The following MUC6 variants were observed in gnomAD, a reference collection of about 807,000 sequenced individuals.
MUC6 encodes the protein mucin 6, oligomeric mucus/gel-forming (gene/pseudogene).
In MUC6, 188 loss-of-function variants were observed where a neutral mutation model predicts 201.5. The observed-to-expected ratio is 0.93, with a 90% confidence interval of 0.83 to 1.05. The LOEUF (loss-of-function observed/expected upper bound fraction) is 1.05, where lower values mean the gene tolerates loss of function less well. Ranked by LOEUF, MUC6 falls within the 50% of genes least tolerant of loss-of-function variation. The pLI is 0.00. For synonymous variants in MUC6, 1,228 were observed against 1,389.4 expected (o/e 0.88, Z 2.58); for missense variants, 2,706 against 3,256.9 (o/e 0.83, Z 4.12).
At chr11:1,028,858 C>T (rs1857029845) in intron 12 of MUC6, 31 bp downstream of exon 12, 1 of 1,610,624 alleles carries the variant, frequency 6.2e-7, no homozygotes, top group African/African-American at 1.3e-5. Flanking sequence ...AGGCACAACT[C>T]TGGGGGGCCA....
chr11:1,031,486 G>T (rs1193715597), intron 4 of MUC6, 121 bp downstream of exon 4: 12 of 1,447,256 alleles, frequency 8.3e-6, no homozygotes, highest in Admixed American at 6.4e-5. Context: ...GGCACGAAGG[G>T]CCTGGCTGCA....
In MUC6 at chr11:1,028,287, C is replaced by T. The variant is rs974392982; in HGVS notation, c.1692G>A (p.Ala564=). Residue 564 remains alanine, a synonymous_variant, in exon 14 of 33, where the codon GCG becomes GCA. Transcript: ENST00000421673. ...GCTCCAGAGCGGCCGGACAGTTCCCCGCCCGCCAGGAGTCCACAAACAGCG... is the reference window on the plus strand; with the variant it reads ...GCTCCAGAGCGGCCGGACAGTTCCCTGCCCGCCAGGAGTCCACAAACAGCG... The part of the protein sequence containing the change: ...TASLFVDSWR[A]GNCPAALERE... 27 of 1,606,884 alleles carry T rather than the reference C, an allele frequency of 1.7e-5. No homozygotes were observed. The highest frequency in any genetic ancestry group is 1.7e-4 in the Middle Eastern group (1 of 6,056).
chr11:1,018,677 G>C lies in MUC6; in HGVS notation c.4124C>G (p.Pro1375Arg), dbSNP rs535117533. 1.9e-6 allele frequency: 3 copies of C among 1,613,156 alleles called. No homozygotes were observed. The highest frequency in any genetic ancestry group is 1.7e-6 in the Non-Finnish European group (2 of 1,179,560). Residue 1375 changes from proline (P) to arginine (R), a missense_variant, in exon 31 of 33, where the codon CCA becomes CGA. This residue lies in a region of MUC6 where 1,850 missense variants were observed against 1,958.3 expected (regional missense o/e 0.94). Coordinates refer to ENST00000421673, the MANE Select transcript of MUC6 (RefSeq NM_005961.3). ...GGGCCTCGTGGGTTGTCCTGGCTGTGGGGTGGTTGGGCCTGTGGTGCTTGC... is the reference window on the plus strand; with the variant it reads ...GGGCCTCGTGGGTTGTCCTGGCTGTCGGGTGGTTGGGCCTGTGGTGCTTGC... ...TPASTTGPTT[P>R]QPGQPTRPTA... is the part of the protein sequence containing the mutation.
At chr11:1,022,407 T>TC (rs1856837880) in intron 26 of MUC6, among the ~76,000 whole-genome samples, 1 of 152,166 alleles carries the variant, frequency 6.6e-6, no homozygotes, top group Non-Finnish European at 1.5e-5. Flanking sequence ...GCCCTGGCTT[T>TC]CTTAAGGGTT....
rs1396772839 is a variant in MUC6 at position 1,016,004 on chromosome 11, G to C, written c.6797C>G (p.Ser2266Cys). The C allele has an allele frequency of 2.5e-6, 4 of 1,604,870 alleles. No individual in the cohort carries two copies. The highest frequency in any genetic ancestry group is 3.4e-6 in the Non-Finnish European group (4 of 1,174,312). The change falls in exon 31 of 33, where the codon TCT (serine) becomes TGT (cysteine). Residue 2266 changes from serine (S) to cysteine (C), a missense_variant. Physicochemically the swap from Ser to Cys is moderately radical, Grantham distance 112. This residue lies in a region of MUC6 where 586 missense variants were observed against 488.0 expected (regional missense o/e 1.20). Transcript: ENST00000421673. ...ASTHTAPAFS[S>C]QSTTSRSTSL... is the part of the protein sequence containing the mutation. ...AGTGGACCGCGAGGTGGTGGACTGA[G>C]AGGAGAAGGCAGGGGCGGTGTGGGT...
Position 1,031,909 on chromosome 11 carries a change from C to T in MUC6, c.260G>A (p.Arg87Gln), listed in dbSNP as rs115598122. ...CGAGATGCTCCCGTCTGGGCCTCGC[C>T]GCAGCTGGACACTGAAGGTGGGGAA... ...DAFPTFSVQL[R>Q]RGPDGSISRI... The change falls in exon 3 of 33, where the codon CGG becomes CAG. Residue 87 changes from arginine (R) to glutamine (Q), a missense_variant. Arg to Gln is a conservative substitution (Grantham distance 43). Around this residue, in one of 10 missense-constraint regions of MUC6, gnomAD observed 1,850 missense variants for 1,958.3 expected, o/e 0.94. Transcript: ENST00000421673. The T allele has an allele frequency of 6.9e-3, 11,112 of 1,613,208 alleles. 597 individuals carry two copies. In the African/African-American group the frequency reaches 0.12, roughly 18 times the overall value.
Position 1,029,320 on chromosome 11 carries a change from C to CG in MUC6, c.1182dup (p.Gly395ArgfsTer15), listed in dbSNP as rs1857046015. On this transcript the variant is annotated frameshift_variant, in exon 10 of 33. Transcript: ENST00000421673. LOFTEE classifies it high-confidence loss of function. The stretch of plus-strand genomic sequence containing the variant: ...GAGCCACCTTCCAGGGAGCAGTGTC[C>CG]GGGGCACGGCCGCTCCGTGCACACC... 5 of 1,604,530 alleles carry CG rather than the reference C, an allele frequency of 3.1e-6. No homozygotes were observed. The highest frequency in any genetic ancestry group is 4.3e-6 in the Non-Finnish European group (5 of 1,176,442).
At chr11:1,026,742 C>T (rs553576520) in intron 19 of MUC6, among the ~76,000 whole-genome samples, 199 bp downstream of exon 19, 46 of 152,378 alleles carry the variant, frequency 3.0e-4, no homozygotes, top group Admixed American at 1.4e-3. Context: ...GAGCTGGTGC[C>T]CACTGTCCTT....
intron 26 of MUC6, 84 bp downstream of exon 26, chr11:1,023,425 T>A: frequency 1.4e-6 from 2 of 1,455,544 alleles, no homozygotes; most frequent in Non-Finnish European, 1.9e-6. Context: ...TGTGAATGAA[T>A]GAATGCGTGT....
At chr11:1,034,174 C>T (rs1390291156) in intron 1 of MUC6, among the ~76,000 whole-genome samples, 1 of 150,996 alleles carries the variant, frequency 6.6e-6, no homozygotes, top group Non-Finnish European at 1.5e-5. Flanking sequence ...CTGGGTGAGT[C>T]CTGTCTGGCA....
rs150407212 is a variant in MUC6, at chr11:1,033,602, G to A, written c.53-527C>T. On this transcript the variant is annotated intron_variant, in intron 1 of 32. Coordinates refer to ENST00000421673, the MANE Select transcript of MUC6 (RefSeq NM_005961.3). The surrounding 1 kb of genome is among the most constrained non-coding windows in gnomAD (Gnocchi z 5.6). ...ACGTCAGCCTTGAGACAGCCTTGAT[G>A]TCAGGCCTGGCACTGAGGCCACTGT... Among the ~76,000 whole-genome samples the A allele has an allele frequency of 6.6e-6, 1 of 152,222 alleles. No individual in the cohort carries two copies.
Position 1,028,126 on chromosome 11 carries a change from C to A in MUC6, c.1754-67G>T, listed in dbSNP as rs923041566. 3.1e-5 allele frequency: 48 copies of A among 1,532,552 alleles called. No homozygotes were observed. In the African/African-American group the frequency reaches 5.6e-4, roughly 18 times the overall value. The allele number at this position is 1,532,552 out of a possible 1,614,324, so 94.9% of individuals were successfully genotyped here. On this transcript the variant is annotated intron_variant, in intron 14 of 32. Coordinates refer to ENST00000421673, the MANE Select transcript of MUC6 (RefSeq NM_005961.3). ...TTCCAGCTACGGCTCCTCCCAGGGA[C>A]CCCCCACCCTGGCAGCTGGGCCTGT... is the stretch of plus-strand genomic sequence containing the variant.
intron 27 of MUC6, 88 bp from the exon 28 acceptor site, chr11:1,020,822 G>C: frequency 6.7e-7 from 1 of 1,502,890 alleles, no homozygotes. Flanking sequence ...CTGAGTCAGA[G>C]ATGCTCACCA....
intron 22 of MUC6, 80 bp from the exon 23 acceptor site, chr11:1,025,447 A>T: frequency 6.6e-7 from 1 of 1,505,370 alleles, no homozygotes; most frequent in Non-Finnish European, 9.0e-7. Flanking sequence ...GAGCTCTCAG[A>T]GACAGAGCTG....
At chr11:1,018,971 G>C (rs1490595625) in intron 30 of MUC6, among the ~76,000 whole-genome samples, 2 of 152,050 alleles carry the variant, frequency 1.3e-5, no homozygotes, top group African/African-American at 4.8e-5. Flanking sequence ...CCTGAGCTGC[G>C]TGCTGACTCC....
chr11:1,015,228 G>A (rs1027184418), intron 31 of MUC6, among the ~76,000 whole-genome samples: 8 of 152,034 alleles, frequency 5.3e-5, no homozygotes, highest in African/African-American at 1.7e-4. Context: ...GGAAGAGACC[G>A]TGGCCCAGAG....
chr11:1,023,617 C>T lies in MUC6; in HGVS notation c.3418G>A (p.Asp1140Asn), dbSNP rs773298134. 7.4e-6 allele frequency: 12 copies of T among 1,612,942 alleles called. No individual in the cohort carries two copies. The highest frequency in any genetic ancestry group is 1.3e-5 in the African/African-American group (1 of 74,926). Residue 1140 changes from aspartate (D) to asparagine (N), a missense_variant, in exon 26 of 33, where the codon GAC (aspartate) becomes AAC (asparagine). Physicochemically the swap from Asp to Asn is conservative, Grantham distance 23. Coordinates refer to ENST00000421673, the MANE Select transcript of MUC6 (RefSeq NM_005961.3). ...GTGTACTGGTACTCGCCATGGCCGT[C>T]CTGCGTGTGCGTGTTGTAGAAGCCG... ...YCGFYNTHTQ[D>N]GHGEYQYTQE...
chr11:1,021,367 G>GC, intron 26 of MUC6, 90 bp from the exon 27 acceptor site: 1 of 605,820 alleles, frequency 1.7e-6, no homozygotes, highest in Non-Finnish European at 2.5e-6. Flanking sequence ...CTTCCTCTCT[G>GC]CTTTTTTTTT....
chr11:1,026,374 C>G lies in MUC6; in HGVS notation c.2499G>C (p.Gly833=). The change falls in exon 20 of 33, where the codon GGG becomes GGC. Residue 833 remains glycine (G), a synonymous_variant. Coordinates refer to ENST00000421673, the MANE Select transcript of MUC6 (RefSeq NM_005961.3). ...PPEECPCEFS[G]VSYPGGAELH... ...GCTCAGCTCCTCCAGGGTAGGAGAC[C>G]CCCGAGAACTCACATGGGCACTCCT... is the stretch of plus-strand genomic sequence containing the variant. 2 of 1,605,404 alleles carry G rather than the reference C, an allele frequency of 1.2e-6. No individual in the cohort carries two copies. Among genetic ancestry groups the G allele is most frequent in the African/African-American group, 1.3e-5 (1 of 74,600 alleles).
Sources: allele counts gnomAD v4.1 joint callset (sites outside exome capture counted in the v4.1 genomes callset), GRCh38; gene constraint gnomAD v4.1.1; regional missense constraint gnomAD v4.1.1; non-coding constraint Gnocchi (gnomAD v3.1); transcripts MANE v1.5; gene names NCBI Gene and HGNC (gene_info 2026-07-23, HGNC 2026-07-21).